COL23A1: variants seen among roughly 807,000 people sequenced by gnomAD.
The protein encoded by COL23A1 is collagen alpha-1(XXIII) chain.
COL23A1 carries 97 observed loss-of-function variants against 99.3 expected under a neutral mutation model. The ratio of observed to expected loss-of-function variants is 0.98; its 90% CI spans 0.83 to 1.16. The LOEUF is 1.16. Among genes scored for constraint, COL23A1 ranks in the 50% most tolerant of loss-of-function variants. The pLI is 0.00. For synonymous variants in COL23A1, 320 were observed against 308.2 expected, an observed-to-expected ratio of 1.04 and a Z score of -0.40; for missense variants, 762 against 757.4, an observed-to-expected ratio of 1.01 and a Z score of -0.07.
chr5:178,299,275 G>A (rs1411452472), intron 3 of COL23A1, among the ~76,000 whole-genome samples: 2 of 152,190 alleles, frequency 1.3e-5, no homozygotes, highest in African/African-American at 4.8e-5. Flanking sequence ...GAAGCCATCC[G>A]ATTCTGGGCT....
rs147580345 is a variant in COL23A1, at chr5:178,340,095, C to A, written c.362-33176G>T. The stretch of plus-strand genomic sequence containing the variant: ...TTAGGGAGATGAATTCTGGTGTTGC[C>A]TGTCTCTAGCTGTTTGACCTTGGGC... On this transcript the variant is annotated intron_variant, in intron 2 of 28. Coordinates refer to ENST00000390654, the MANE Select transcript of COL23A1 (RefSeq NM_173465.4). This position sits in a 1 kb window ranked among gnomAD's most constrained non-coding sequence, Gnocchi z 4.7. Among the ~76,000 whole-genome samples, 65 of 152,180 alleles carry A rather than the reference C, an allele frequency of 4.3e-4. No individual in the cohort carries two copies. The highest frequency in any genetic ancestry group is 1.5e-3 in the African/African-American group (63 of 41,528).
At chr5:178,314,197 A>G (rs73344856) in intron 2 of COL23A1, among the ~76,000 whole-genome samples, 22,624 of 148,324 alleles carry the variant, frequency 0.15, 3,100 homozygotes, top group African/African-American at 0.37. Context: ...CTCTTGCTCA[A>G]CAAATACAGT....
intron 2 of COL23A1, among the ~76,000 whole-genome samples, chr5:178,327,425 C>G (rs1036600244): frequency 1.3e-5 from 2 of 152,188 alleles, no homozygotes; most frequent in African/African-American, 4.8e-5. Context: ...CTCTCCCTGT[C>G]TCCCAGAACC....
In COL23A1 at chr5:178,281,426, G is replaced by C. The variant is rs1246275573; in HGVS notation, c.441+6898C>G. The stretch of plus-strand genomic sequence containing the variant: ...CTCACAGACCACATTTCAGCCCAGA[G>C]CTCTCGCAGTCCCCTGGGGCCCCGG... On this transcript the variant is annotated intron_variant, in intron 5 of 28. Transcript: ENST00000390654. The surrounding 1 kb of genome is among the most constrained non-coding windows in gnomAD (Gnocchi z 4.0). Among the ~76,000 whole-genome samples the C allele has an allele frequency of 6.6e-6, 1 of 152,112 alleles. No individual in the cohort carries two copies. The highest frequency in any genetic ancestry group is 6.5e-5 in the Admixed American group (1 of 15,276).
At chr5:178,392,247 T>C (rs1295337360) in intron 2 of COL23A1, among the ~76,000 whole-genome samples, 1 of 152,020 alleles carries the variant, frequency 6.6e-6, no homozygotes, top group Non-Finnish European at 1.5e-5. Flanking sequence ...TAGTGAGTTA[T>C]ATCCTAAGAT....
intron 2 of COL23A1, among the ~76,000 whole-genome samples, chr5:178,556,420 C>T (rs929903211): frequency 1.3e-5 from 2 of 151,430 alleles, no homozygotes; most frequent in African/African-American, 4.9e-5. Flanking sequence ...GTCAGGAGTT[C>T]GAGACCAGCC....
chr5:178,541,235 G>A (rs1026404756), intron 2 of COL23A1, among the ~76,000 whole-genome samples: 1 of 152,200 alleles, frequency 6.6e-6, no homozygotes, highest in Admixed American at 6.5e-5. Context: ...AAGTGTTGGG[G>A]AGGATGCAGA....
rs537514941 is a variant in COL23A1 at position 178,378,825 on chromosome 5, A to T, written c.362-71906T>A. Among the ~76,000 whole-genome samples, 6 of 152,208 alleles carry T rather than the reference A, an allele frequency of 3.9e-5. No individual in the cohort carries two copies. In the South Asian group the frequency reaches 1.2e-3, roughly 32 times the overall value. ...GGTGGCAGCGGCCGCAGGACGGAAG[A>T]TCCTGAGGCAGACCCAGGCTTGGCC... On this transcript the variant is annotated intron_variant, in intron 2 of 28. Transcript: ENST00000390654.
At chr5:178,541,461 G>A (rs2113336551) in intron 2 of COL23A1, among the ~76,000 whole-genome samples, 1 of 152,254 alleles carries the variant, frequency 6.6e-6, no homozygotes, top group Admixed American at 6.5e-5. Context: ...GGTGGTCCTC[G>A]CTGCTTGGGA....
chr5:178,418,481 G>A (rs1004274100), intron 2 of COL23A1, among the ~76,000 whole-genome samples: 4 of 152,170 alleles, frequency 2.6e-5, no homozygotes, highest in African/African-American at 7.2e-5. Context: ...CACCTATCTC[G>A]GCCATGGGGT....
At chr5:178,485,794 A>AAC (rs1326505622) in intron 2 of COL23A1, among the ~76,000 whole-genome samples, 7 of 151,494 alleles carry the variant, frequency 4.6e-5, no homozygotes, top group African/African-American at 1.7e-4. Flanking sequence ...AAAAAAAAAA[A>AAC]AAAACACAGA....
chr5:178,240,516 C>T lies in COL23A1; in HGVS notation c.1582-1337G>A, dbSNP rs372311041. On this transcript the variant is annotated intron_variant, in intron 27 of 28. Coordinates refer to ENST00000390654, the MANE Select transcript of COL23A1 (RefSeq NM_173465.4). ...GCCCCGCCAGCCTGGTGCCCCTCTCCGGCCTCCGCACGTGGGATTCTCCTG... is the reference window on the plus strand; with the variant it reads ...GCCCCGCCAGCCTGGTGCCCCTCTCTGGCCTCCGCACGTGGGATTCTCCTG... Among the ~76,000 whole-genome samples, 23 of 152,340 alleles carry T rather than the reference C, an allele frequency of 1.5e-4. 1 individual carries two copies. The East Asian group carries it at 3.5e-3, about 23-fold the overall frequency.
In COL23A1 at chr5:178,247,537, G is replaced by A. The variant is rs1764768909; in HGVS notation, c.1285C>T (p.Gln429Ter). The A allele has an allele frequency of 1.2e-6, 2 of 1,614,124 alleles. No individual in the cohort carries two copies. The highest frequency in any genetic ancestry group is 1.7e-6 in the Non-Finnish European group (2 of 1,179,986). The change falls in exon 22 of 29, where the codon CAG (glutamine) becomes TAG (stop). Residue 429 changes from glutamine (Q) to a stop codon, truncating the protein, a stop_gained. Coordinates refer to ENST00000390654, the MANE Select transcript of COL23A1 (RefSeq NM_173465.4). LOFTEE classifies it high-confidence loss of function. ...PPGPMGLQGI[Q>*]GPKGLDGAKG... is the part of the protein sequence containing the mutation. ...CTGTGCCCACTCACCTTGGGACCCT[G>A]GATTCCCTGGAGGCCCTGCAGGAGG...
chr5:178,510,216 TCA>T (rs1759123147), intron 2 of COL23A1, among the ~76,000 whole-genome samples: 1 of 152,234 alleles, frequency 6.6e-6, no homozygotes, highest in Admixed American at 6.5e-5. Flanking sequence ...AAACTGGCAC[TCA>T]CACGCTGCAG....
intron 2 of COL23A1, among the ~76,000 whole-genome samples, chr5:178,469,073 G>A (rs1411599639): frequency 2.0e-5 from 3 of 152,200 alleles, no homozygotes; most frequent in Non-Finnish European, 1.5e-5. Flanking sequence ...GTTGCAGCAC[G>A]TGTCAGAATC....
At chr5:178,421,208 A>G (rs2127797989) in intron 2 of COL23A1, among the ~76,000 whole-genome samples, 1 of 152,316 alleles carries the variant, frequency 6.6e-6, no homozygotes, top group East Asian at 1.9e-4. Flanking sequence ...TTTTGGAGAT[A>G]TAGGTTGACC....
chr5:178,514,807 A>T (rs1262995026), intron 2 of COL23A1, among the ~76,000 whole-genome samples: 1 of 152,202 alleles, frequency 6.6e-6, no homozygotes, highest in African/African-American at 2.4e-5. Flanking sequence ...TCAGAATCCC[A>T]ATTCTTCATA....
chr5:178,362,339 T>C (rs886270136), intron 2 of COL23A1, among the ~76,000 whole-genome samples: 8 of 152,066 alleles, frequency 5.3e-5, no homozygotes, highest in African/African-American at 1.9e-4. Context: ...CATGTCCCAC[T>C]GAACCATGGA....
chr5:178,416,726 T>A lies in COL23A1; in HGVS notation c.362-109807A>T, dbSNP rs148114107. Among the ~76,000 whole-genome samples, 562 of 152,308 alleles carry A rather than the reference T, an allele frequency of 3.7e-3. 5 individuals are homozygous for A. The highest frequency in any genetic ancestry group is 0.013 in the African/African-American group (541 of 41,562). ...CAGAGATTAAATAACTTGTCCAAGG[T>A]CACACAGTTAAGTAGGTAACTGATG... On this transcript the variant is annotated intron_variant, in intron 2 of 28. Coordinates refer to ENST00000390654, the MANE Select transcript of COL23A1 (RefSeq NM_173465.4).
Sources: allele counts gnomAD v4.1 joint callset (sites outside exome capture counted in the v4.1 genomes callset), GRCh38; gene constraint gnomAD v4.1.1; non-coding constraint Gnocchi (gnomAD v3.1); transcripts MANE v1.5; gene names NCBI Gene and HGNC (gene_info 2026-07-23, HGNC 2026-07-21).